Variants in HSPA12A observed in about 807,000 individuals in gnomAD.
HSPA12A encodes the protein heat shock 70 kDa protein 12A.
A neutral mutation model predicts 69.2 loss-of-function variants in HSPA12A; 28 were observed. That is an observed-to-expected ratio of 0.40 (90% confidence interval 0.30 to 0.55). The LOEUF is 0.55. Among genes scored for constraint, HSPA12A ranks in the 20% least tolerant of loss-of-function variants. The pLI is 0.38. For missense variants in HSPA12A, 686 were observed against 900.7 expected (o/e 0.76, Z 3.05); for synonymous variants, 345 against 370.5 (o/e 0.93, Z 0.79).
At chr10:116,812,954 C>T (rs1845221678) in intron 2 of HSPA12A, among the ~76,000 whole-genome samples, 1 of 152,146 alleles carries the variant, frequency 6.6e-6, no homozygotes, top group South Asian at 2.1e-4. Flanking sequence ...AGACATCTGC[C>T]AAGTTCTGAA....
chr10:116,763,842 AT>A (rs1844023032), intron 2 of HSPA12A, among the ~76,000 whole-genome samples: 2 of 152,234 alleles, frequency 1.3e-5, no homozygotes, highest in African/African-American at 4.8e-5. Context: ...CAAAATAATC[AT>A]AAATTATGAA....
intron 2 of HSPA12A, among the ~76,000 whole-genome samples, chr10:116,761,433 C>T (rs782400654): frequency 3.3e-5 from 5 of 151,098 alleles, no homozygotes; most frequent in Admixed American, 6.6e-5. Context: ...TTGCAGTGAG[C>T]CGAGATCACA....
chr10:116,678,600 A>AG (rs1350091368), intron 10 of HSPA12A, among the ~76,000 whole-genome samples: 5 of 151,518 alleles, frequency 3.3e-5, no homozygotes, highest in African/African-American at 1.2e-4. Context: ...AAAAAAAAAA[A>AG]AAAGACAAAT....
At chr10:116,689,675 T>C (rs782604464) in intron 6 of HSPA12A, among the ~76,000 whole-genome samples, 7 of 151,970 alleles carry the variant, frequency 4.6e-5, no homozygotes, top group African/African-American at 7.3e-5. Context: ...TATGCAGTTA[T>C]AGAGGCTGAG....
intron 6 of HSPA12A, among the ~76,000 whole-genome samples, chr10:116,688,392 C>T (rs1554879749): frequency 6.6e-6 from 1 of 152,238 alleles, no homozygotes; most frequent in Non-Finnish European, 1.5e-5. Flanking sequence ...GCAGGAGCGA[C>T]ATCGTAGTAG....
At chr10:116,707,467 A>G (rs1466082757) in intron 1 of HSPA12A, among the ~76,000 whole-genome samples, 182 bp from the exon 2 acceptor site, 1 of 152,200 alleles carries the variant, frequency 6.6e-6, no homozygotes, top group African/African-American at 2.4e-5. Context: ...ACCTCTTTGC[A>G]TTTGGTATTT....
chr10:116,716,486 G>A (rs1182046662), intron 1 of HSPA12A, among the ~76,000 whole-genome samples: 3 of 152,122 alleles, frequency 2.0e-5, no homozygotes, highest in South Asian at 2.1e-4. Context: ...GTGTGTGCAT[G>A]CATGTGCTCC....
intron 2 of HSPA12A, among the ~76,000 whole-genome samples, chr10:116,772,458 C>A (rs880001032): frequency 3.3e-5 from 5 of 152,168 alleles, no homozygotes; most frequent in Non-Finnish European, 7.3e-5. Context: ...AAACTCAGAG[C>A]TCTGTCTCCA....
intron 1 of HSPA12A, among the ~76,000 whole-genome samples, chr10:116,722,379 C>G (rs112031864): frequency 6.6e-6 from 1 of 152,178 alleles, no homozygotes; most frequent in Non-Finnish European, 1.5e-5. Context: ...GACACCCACA[C>G]GAGCCCACGG....
At chr10:116,682,749 G>A (rs1554878852) in intron 7 of HSPA12A, among the ~76,000 whole-genome samples, 1 of 152,138 alleles carries the variant, frequency 6.6e-6, no homozygotes, top group East Asian at 1.9e-4. Context: ...CTCCCAGGCT[G>A]GAGTGCAGTG....
At chr10:116,782,496 G>C (rs782352975) in intron 2 of HSPA12A, among the ~76,000 whole-genome samples, 1 of 152,132 alleles carries the variant, frequency 6.6e-6, no homozygotes, top group Non-Finnish European at 1.5e-5. Context: ...GCATAGTCCC[G>C]GGTGGAACAT....
At chr10:116,733,072 C>T (rs1554886031) in intron 1 of HSPA12A, among the ~76,000 whole-genome samples, 6 of 152,302 alleles carry the variant, frequency 3.9e-5, no homozygotes, top group Middle Eastern at 3.4e-3. Context: ...ACCACCCAAA[C>T]TGATAACCAT....
At chr10:116,731,942 T>TC (rs1315238534) in intron 1 of HSPA12A, among the ~76,000 whole-genome samples, 1 of 151,830 alleles carries the variant, frequency 6.6e-6, no homozygotes, top group East Asian at 1.9e-4. Context: ...AACATGGGGG[T>TC]CACTGTTGGG....
intron 1 of HSPA12A, among the ~76,000 whole-genome samples, chr10:116,741,853 G>T (rs1318546514): frequency 1.3e-5 from 2 of 152,208 alleles, no homozygotes; most frequent in African/African-American, 2.4e-5. Flanking sequence ...CTGGGGATGG[G>T]CGGGGAGGTG....
intron 2 of HSPA12A, among the ~76,000 whole-genome samples, chr10:116,706,803 G>T (rs946569787): frequency 6.6e-6 from 1 of 152,150 alleles, no homozygotes; most frequent in Non-Finnish European, 1.5e-5. Context: ...GCAGACAACC[G>T]CAGTCAACAG....
chr10:116,674,597 T>C lies in HSPA12A; in HGVS notation c.*184A>G. Reference sequence around the variant, plus strand: ...GCCTAAACCTTAATCTTAATTTCTGTTTTTCTGACTCCAGTGTGCCCTCAA... The same window carrying C: ...GCCTAAACCTTAATCTTAATTTCTGCTTTTCTGACTCCAGTGTGCCCTCAA... On this transcript the variant is annotated 3_prime_UTR_variant, in exon 12 of 12. Coordinates refer to ENST00000369209, the MANE Select transcript of HSPA12A (RefSeq NM_025015.3). 2 of 633,182 alleles carry C rather than the reference T, an allele frequency of 3.2e-6. No individual in the cohort carries two copies. Among genetic ancestry groups the C allele is most frequent in the East Asian group, 2.8e-5 (1 of 36,314 alleles). The allele number at this position is 633,182 out of a possible 1,614,324, so 39.2% of individuals were successfully genotyped here.
rs886654808 is a variant in HSPA12A at position 116,710,246 on chromosome 10, C to T, written c.41-2961G>A. The stretch of plus-strand genomic sequence containing the variant: ...CTCCACCTGCTACCTGGAAGGCCTG[C>T]GCCATGTGTCCACATTTGCACAGAC... On this transcript the variant is annotated intron_variant, in intron 1 of 11. Coordinates refer to ENST00000369209, the MANE Select transcript of HSPA12A (RefSeq NM_025015.3). This position sits in a 1 kb window ranked among gnomAD's most constrained non-coding sequence, Gnocchi z 4.1. Among the ~76,000 whole-genome samples the T allele has an allele frequency of 9.9e-5, 15 of 152,208 alleles. No individual in the cohort carries two copies. Among genetic ancestry groups the T allele is most frequent in the African/African-American group, 2.4e-4 (10 of 41,452 alleles).
intron 2 of HSPA12A, among the ~76,000 whole-genome samples, chr10:116,828,318 G>A (rs1405931196): frequency 1.3e-5 from 2 of 152,202 alleles, no homozygotes; most frequent in African/African-American, 2.4e-5. Context: ...TTTACTGCAT[G>A]TGAATTACAG....
At chr10:116,835,503 G>A (rs966648787) in intron 1 of HSPA12A, among the ~76,000 whole-genome samples, 3 of 152,026 alleles carry the variant, frequency 2.0e-5, no homozygotes, top group South Asian at 2.1e-4. Flanking sequence ...GGTACTCCTC[G>A]TCCTCTGCCT....
Sources: gnomAD v4.1 joint callset for allele counts (sites outside exome capture counted in the v4.1 genomes callset) on GRCh38, gnomAD v4.1.1 for gene constraint, Gnocchi (gnomAD v3.1) non-coding constraint, MANE v1.5 for transcripts, NCBI Gene and HGNC (gene_info 2026-07-23, HGNC 2026-07-21) for gene names.